The following PTPRA variants were observed in gnomAD, a reference collection of about 807,000 sequenced individuals.
The protein encoded by PTPRA is receptor-type tyrosine-protein phosphatase alpha.
Under a neutral mutation model 104.8 loss-of-function variants are expected in PTPRA, and 25 were observed. The ratio of observed to expected loss-of-function variants is 0.24; its 90% CI spans 0.17 to 0.33. The LOEUF is 0.33. Ranked by LOEUF, PTPRA falls within the 10% of genes least tolerant of loss-of-function variation. The pLI, the probability that PTPRA is intolerant of heterozygous loss-of-function variation, is 1.00. For synonymous variants in PTPRA, 323 were observed against 368.9 expected (o/e 0.88, Z 1.43); for missense variants, 765 against 1,015.3 (o/e 0.75, Z 3.35).
At chr20:2,881,311 CAA>C (rs753937627) in intron 1 of PTPRA, among the ~76,000 whole-genome samples, 2 of 121,082 alleles carry the variant, frequency 1.7e-5, no homozygotes, top group Admixed American at 8.4e-5. Flanking sequence ...ACTCTGTCTC[CAA>C]AAAAAAAAAA....
intron 1 of PTPRA, among the ~76,000 whole-genome samples, chr20:2,878,512 C>T (rs1223363483): frequency 6.6e-6 from 1 of 152,230 alleles, no homozygotes; most frequent in Non-Finnish European, 1.5e-5. Context: ...TCTCAGCCAA[C>T]AGCTGTAGTT....
intron 1 of PTPRA, among the ~76,000 whole-genome samples, chr20:2,899,238 G>A (rs1007869355): frequency 1.3e-5 from 2 of 152,208 alleles, no homozygotes; most frequent in Admixed American, 6.5e-5. Flanking sequence ...GTGAGATAGA[G>A]TGAGACCCTG....
chr20:2,975,112 G>A, intron 5 of PTPRA, 103 bp from the exon 6 acceptor site: 1 of 1,049,000 alleles, frequency 9.5e-7, no homozygotes. Context: ...CCTCATGGAG[G>A]AAAGCATTCC....
intron 1 of PTPRA, among the ~76,000 whole-genome samples, chr20:2,891,801 G>A (rs2058801570): frequency 1.3e-5 from 2 of 151,994 alleles, no homozygotes; most frequent in East Asian, 3.8e-4. Flanking sequence ...ATATAAAATG[G>A]CATATTTGCA....
At position 2,985,484 on chromosome 20, in the gene PTPRA, A is replaced by T. The variant is rs889554287; in HGVS notation, c.443-1281A>T. On this transcript the variant is annotated intron_variant, in intron 6 of 23. Coordinates refer to ENST00000399903, the MANE Select transcript of PTPRA (RefSeq NM_001385305.1). Reference sequence around the variant, plus strand: ...TAGCAGGTAGGAAAATGGTGAAGATAGTTACCAAGCCACTCTGATGGTGTA... The same window carrying T: ...TAGCAGGTAGGAAAATGGTGAAGATTGTTACCAAGCCACTCTGATGGTGTA... 5.3e-5 allele frequency among the ~76,000 whole-genome samples: 8 copies of T among 152,276 alleles called. No individual in the cohort carries two copies. In the East Asian group the frequency reaches 1.5e-3, roughly 29 times the overall value.
Position 3,032,581 on chromosome 20 carries a change from C to T in PTPRA, c.1921-3004C>T, listed in dbSNP as rs186962116. Among the ~76,000 whole-genome samples the T allele has an allele frequency of 4.0e-3, 603 of 151,950 alleles. 6 individuals carry two copies. Among genetic ancestry groups the T allele is most frequent in the Non-Finnish European group, 6.1e-3 (417 of 67,882 alleles). The stretch of plus-strand genomic sequence containing the variant: ...AGGAGATCGAGACCAGCCTGGCCAA[C>T]ATGGCAAAACCCCATCTCTACTAAA... On this transcript the variant is annotated intron_variant, in intron 20 of 23. Transcript: ENST00000399903.
rs932734815 is a variant in PTPRA, at chr20:2,950,482, CAAA to C, written c.-7+2467_-7+2469del. Reference sequence around the variant, plus strand: ...TGAAACCCCGTCTCTACTAAAAATACAAAAAAAAAAATTAGCCGGGCGTGGTGG... The same window carrying C: ...TGAAACCCCGTCTCTACTAAAAATACAAAAAAAATTAGCCGGGCGTGGTGG... On this transcript the variant is annotated intron_variant, in intron 3 of 23. Coordinates refer to ENST00000399903, the MANE Select transcript of PTPRA (RefSeq NM_001385305.1). This position sits in a 1 kb window ranked among gnomAD's most constrained non-coding sequence, Gnocchi z 4.0. Among the ~76,000 whole-genome samples, 1 of 144,140 alleles carries C rather than the reference CAAA, an allele frequency of 6.9e-6. No homozygotes were observed. The highest frequency in any genetic ancestry group is 2.5e-5 in the African/African-American group (1 of 39,500). 94.6% of individuals were successfully genotyped at this position (144,140 alleles called of 152,430 possible).
intron 9 of PTPRA, among the ~76,000 whole-genome samples, chr20:2,997,365 G>A (rs1461654019): frequency 6.6e-6 from 1 of 152,008 alleles, no homozygotes; most frequent in Non-Finnish European, 1.5e-5. Flanking sequence ...AGATTTTTTT[G>A]AATATGGGAA....
chr20:2,943,218 C>CCA lies in PTPRA; in HGVS notation c.-49-4763_-49-4762insAC, dbSNP rs1555804526. Among the ~76,000 whole-genome samples, 19 of 146,800 alleles carry CCA rather than the reference C, an allele frequency of 1.3e-4. No homozygotes were observed. In the East Asian group the frequency reaches 2.9e-3, roughly 22 times the overall value. On this transcript the variant is annotated intron_variant, in intron 2 of 23. Transcript: ENST00000399903. ...GTCTTGGAACATATCCCCCCACCCC[C>CCA]CCCCCAGATAAGGGGGTAGTACTGA...
At chr20:2,876,857 T>C (rs997793598) in intron 1 of PTPRA, among the ~76,000 whole-genome samples, 4 of 152,196 alleles carry the variant, frequency 2.6e-5, no homozygotes, top group African/African-American at 7.2e-5. Context: ...ACTACGATGC[T>C]TTTTCAGCTA....
At chr20:2,879,054 T>C (rs568247606) in intron 1 of PTPRA, among the ~76,000 whole-genome samples, 2 of 152,288 alleles carry the variant, frequency 1.3e-5, no homozygotes, top group Admixed American at 1.3e-4. Context: ...CAGAGTAACA[T>C]AGATGTGATG....
intron 5 of PTPRA, among the ~76,000 whole-genome samples, chr20:2,969,088 T>C (rs1001687674): frequency 6.6e-6 from 1 of 151,968 alleles, no homozygotes; most frequent in African/African-American, 2.4e-5. Context: ...GGCATATACT[T>C]GTAATCCCAG....
chr20:2,940,830 T>A (rs1035474304), intron 2 of PTPRA, among the ~76,000 whole-genome samples: 1 of 152,206 alleles, frequency 6.6e-6, no homozygotes, highest in Admixed American at 6.5e-5. Flanking sequence ...GAGACTTAAT[T>A]GCCAGCCCTT....
intron 1 of PTPRA, among the ~76,000 whole-genome samples, chr20:2,897,555 T>A (rs1390040032): frequency 6.6e-6 from 1 of 151,774 alleles, no homozygotes. Context: ...GCCCTACTAA[T>A]TTTTGTATTT....
intron 2 of PTPRA, among the ~76,000 whole-genome samples, chr20:2,926,251 A>G (rs970694543): frequency 1.3e-5 from 2 of 152,098 alleles, no homozygotes; most frequent in Non-Finnish European, 2.9e-5. Flanking sequence ...AAACTCCATG[A>G]ACTGGGTGGC....
At chr20:2,957,366 G>C (rs2061575412) in intron 3 of PTPRA, among the ~76,000 whole-genome samples, 1 of 152,234 alleles carries the variant, frequency 6.6e-6, no homozygotes, top group African/African-American at 2.4e-5. Flanking sequence ...ATAGATTTAA[G>C]AGAACTGTAT....
intron 6 of PTPRA, among the ~76,000 whole-genome samples, chr20:2,982,334 G>A (rs149492273): frequency 4.1e-3 from 617 of 152,076 alleles, no homozygotes; most frequent in Non-Finnish European, 6.7e-3. Context: ...TGATCCACCC[G>A]CCTCGGCCTC....
chr20:2,962,293 C>T (rs184107608), intron 3 of PTPRA, among the ~76,000 whole-genome samples: 3 of 152,210 alleles, frequency 2.0e-5, no homozygotes. Context: ...TCCACTTCTA[C>T]CTTTATGATT....
intron 1 of PTPRA, among the ~76,000 whole-genome samples, chr20:2,919,328 T>C (rs2060019518): frequency 6.6e-6 from 1 of 152,186 alleles, no homozygotes; most frequent in African/African-American, 2.4e-5. Flanking sequence ...TAAACCTTAC[T>C]ATCAGGTTCA....
Sources: gnomAD v4.1 joint callset for allele counts (sites outside exome capture counted in the v4.1 genomes callset) on GRCh38, gnomAD v4.1.1 for gene constraint, Gnocchi (gnomAD v3.1) non-coding constraint, MANE v1.5 for transcripts, NCBI Gene and HGNC (gene_info 2026-07-23, HGNC 2026-07-21) for gene names.